TSR1: variants seen among roughly 807,000 people sequenced by gnomAD.
The protein encoded by TSR1 is pre-rRNA-processing protein TSR1 homolog.
A neutral mutation model predicts 90.9 loss-of-function variants in TSR1; 81 were observed. The observed-to-expected ratio is 0.89, with a 90% CI of 0.74 to 1.07. The LOEUF is 1.07. TSR1 is among the 50% of genes least tolerant of loss of function. The pLI, the probability that TSR1 is intolerant of heterozygous loss-of-function variation, is 0.00. For synonymous variants in TSR1, 362 were observed against 348.8 expected, an observed-to-expected ratio of 1.04 and a Z score of -0.42; for missense variants, 989 against 987.3, an observed-to-expected ratio of 1.00 and a Z score of -0.02.
At chr17:2,333,366 G>T in intron 6 of TSR1, 191 bp downstream of exon 6, 1 of 888,966 alleles carries the variant, frequency 1.1e-6, no homozygotes, top group Non-Finnish European at 1.8e-6. Context: ...ATTAACACAA[G>T]TAATTTTGAG....
chr17:2,330,077 G>T, intron 10 of TSR1: 2 of 307,920 alleles, frequency 6.5e-6, no homozygotes, highest in Non-Finnish European at 1.3e-5. Context: ...GTGCCACCAC[G>T]CCTGGCTAAT....
At chr17:2,332,102 G>A in intron 8 of TSR1, 67 bp downstream of exon 8, 2 of 1,568,500 alleles carry the variant, frequency 1.3e-6, no homozygotes, top group Non-Finnish European at 1.7e-6. Context: ...CAGTGACACA[G>A]CTCTGAGCCA....
In TSR1 at chr17:2,328,691, C is replaced by T. The variant is rs181977079; in HGVS notation, c.1903+652G>A. Reference sequence around the variant, plus strand: ...CAGCACTTTGGGAGGCTGAGGCGGGCGGCTCACGAGGTCAGGAGATAGAGA... The same window carrying T: ...CAGCACTTTGGGAGGCTGAGGCGGGTGGCTCACGAGGTCAGGAGATAGAGA... On this transcript the variant is annotated intron_variant, in intron 11 of 14. Coordinates refer to ENST00000301364, the MANE Select transcript of TSR1 (RefSeq NM_018128.5). 3.2e-3 allele frequency among the ~76,000 whole-genome samples: 490 copies of T among 151,110 alleles called. 5 individuals are homozygous for T. Among genetic ancestry groups the T allele is most frequent in the African/African-American group, 8.9e-3 (368 of 41,164 alleles).
Position 2,334,815 on chromosome 17 carries a change from T to C in TSR1, c.638A>G (p.Lys213Arg). ...GAGGAGTTTGTCATGCGGAAAGCGCTTCTCCACTGCTTTACTTAGCTTCTT... is the reference window on the plus strand; with the variant it reads ...GAGGAGTTTGTCATGCGGAAAGCGCCTCTCCACTGCTTTACTTAGCTTCTT... ...TRKKLSKAVEKRFPHDKLLLL... is the reference protein window; with the variant it reads ...TRKKLSKAVERRFPHDKLLLL... Residue 213 changes from lysine to arginine, a missense_variant, in exon 5 of 15, where the codon AAG (lysine) becomes AGG (arginine). By Grantham distance (26) the Lys-to-Arg change is conservative (BLOSUM62 2). Coordinates refer to ENST00000301364, the MANE Select transcript of TSR1 (RefSeq NM_018128.5). 1 of 1,614,252 alleles carries C rather than the reference T, an allele frequency of 6.2e-7. No individual in the cohort carries two copies.
chr17:2,331,590 T>C (rs2064003652), intron 8 of TSR1, among the ~76,000 whole-genome samples: 1 of 152,082 alleles, frequency 6.6e-6, no homozygotes, highest in Non-Finnish European at 1.5e-5. Flanking sequence ...TCTGCCATGA[T>C]TGTAAGTTTC....
At chr17:2,332,929 C>T (rs1338715373) in intron 7 of TSR1, 32 bp downstream of exon 7, 2 of 1,603,070 alleles carry the variant, frequency 1.2e-6, no homozygotes, top group Non-Finnish European at 1.7e-6. Flanking sequence ...TGGAGCTAGA[C>T]ACAGAATTGG....
chr17:2,333,508 T>G (rs2064022517), intron 6 of TSR1, 49 bp downstream of exon 6: 1 of 1,611,460 alleles, frequency 6.2e-7, no homozygotes, highest in African/African-American at 1.3e-5. Flanking sequence ...CTACAGAAAA[T>G]CCACAATTCC....
chr17:2,330,990 CT>C lies in TSR1; in HGVS notation c.1615del (p.Ser539AlafsTer41). On this transcript the variant is annotated frameshift_variant, in exon 9 of 15. Transcript: ENST00000301364. LOFTEE classifies it high-confidence loss of function. ...TTTTTCTTCAACCTCTTTAAAGATG[CT>C]TTTCCTAGTGTTAGTAAAGTTCTGA... ...QFQNFTNTRK[S>X]IFKEVEEKEV... The C allele has an allele frequency of 6.2e-7, 1 of 1,606,582 alleles. No homozygotes were observed.
intron 11 of TSR1, 179 bp downstream of exon 11, chr17:2,329,164 G>T: frequency 1.0e-6 from 1 of 995,258 alleles, no homozygotes; most frequent in Non-Finnish European, 1.6e-6. Context: ...TCACTGGGAT[G>T]CTTCAGACAG....
chr17:2,328,935 A>C (rs1378810524), intron 11 of TSR1: 56 of 239,096 alleles, frequency 2.3e-4, no homozygotes, highest in African/African-American at 1.1e-3. Flanking sequence ...AAAAAAAAAA[A>C]AAAAAAAAAA....
chr17:2,335,063 C>T (rs1462382086), intron 4 of TSR1, among the ~76,000 whole-genome samples, 167 bp from the exon 5 acceptor site: 1 of 152,194 alleles, frequency 6.6e-6, no homozygotes, highest in Non-Finnish European at 1.5e-5. Context: ...ACTTCATATC[C>T]TTGTTTCTCT....
Position 2,336,105 on chromosome 17 carries a change from T to C in TSR1, c.133A>G (p.Arg45Gly), listed in dbSNP as rs777859538. The part of the protein sequence containing the change: ...LALKTLSKKV[R>G]KELSRVDQRH... ...TGGTCGACTCTGCTGAGTTCTTTTC[T>C]CACCTTCTTGCTTAGGGTTTTCAGT... is the stretch of plus-strand genomic sequence containing the variant. Residue 45 changes from arginine (R) to glycine (G), a missense_variant, in exon 2 of 15, where the codon AGA (arginine) becomes GGA (glycine). Physicochemically the swap from Arg to Gly is moderately radical, Grantham distance 125. Coordinates refer to ENST00000301364, the MANE Select transcript of TSR1 (RefSeq NM_018128.5). 6.2e-7 allele frequency: 1 copy of C among 1,614,206 alleles called. No homozygotes were observed. The highest frequency in any genetic ancestry group is 8.5e-7 in the Non-Finnish European group (1 of 1,180,028).
chr17:2,331,287 C>T (rs1350078777), intron 8 of TSR1, among the ~76,000 whole-genome samples, 178 bp from the exon 9 acceptor site: 2 of 152,200 alleles, frequency 1.3e-5, no homozygotes, highest in Non-Finnish European at 2.9e-5. Context: ...CAAGTTCTAT[C>T]GGAACCAAAC....
Position 2,336,148 on chromosome 17 carries a change from G to T in TSR1, c.98-8C>A. Reference sequence around the variant, plus strand: ...TTTTCAGTGCCAGACGGCCTGAATGGCAGATTAGAAGGGGCTGGTGTGATC... The same window carrying T: ...TTTTCAGTGCCAGACGGCCTGAATGTCAGATTAGAAGGGGCTGGTGTGATC... On this transcript the variant is annotated splice_polypyrimidine_tract_variant and splice_region_variant and intron_variant, in intron 1 of 14. Coordinates refer to ENST00000301364, the MANE Select transcript of TSR1 (RefSeq NM_018128.5). 3.1e-6 allele frequency: 5 copies of T among 1,613,782 alleles called. No homozygotes were observed. The highest frequency in any genetic ancestry group is 3.4e-6 in the Non-Finnish European group (4 of 1,179,662).
chr17:2,331,045 G>A lies in TSR1; in HGVS notation c.1561C>T (p.Pro521Ser). The A allele has an allele frequency of 6.2e-7, 1 of 1,612,006 alleles. No individual in the cohort carries two copies. Among genetic ancestry groups the A allele is most frequent in the Non-Finnish European group, 8.5e-7 (1 of 1,179,494 alleles). Residue 521 changes from proline (P) to serine (S), a missense_variant, in exon 9 of 15, where the codon CCT (proline) becomes TCT (serine). Physicochemically the swap from Pro to Ser is moderately conservative, Grantham distance 74. Transcript: ENST00000301364. ...TSPWDPKENLPQDYARIFQFQ... is the reference protein window; with the variant it reads ...TSPWDPKENLSQDYARIFQFQ... ...TGAAATATTCGAGCATAATCTTGAG[G>A]AAGGTTTTCCTTAGGATCCCATGGA...
intron 9 of TSR1, 129 bp from the exon 10 acceptor site, chr17:2,330,754 T>G: frequency 8.9e-7 from 1 of 1,117,442 alleles, no homozygotes; most frequent in South Asian, 1.5e-5. Flanking sequence ...TTCAAGATGC[T>G]TCATTTACCC....
intron 2 of TSR1, 92 bp from the exon 3 acceptor site, chr17:2,335,822 A>G: frequency 7.0e-7 from 1 of 1,423,532 alleles, no homozygotes; most frequent in Non-Finnish European, 9.5e-7. Context: ...CCCCCTACCC[A>G]AAACCAGCAT....
rs1307166782 is a variant in TSR1 at position 2,332,946 on chromosome 17, G to T, written c.1305+15C>A. 6.2e-7 allele frequency: 1 copy of T among 1,611,248 alleles called. No homozygotes were observed. The highest frequency in any genetic ancestry group is 8.5e-7 in the Non-Finnish European group (1 of 1,178,258). On this transcript the variant is annotated intron_variant, in intron 7 of 14. Transcript: ENST00000301364. ...GAGCTAGACACAGAATTGGCCTAAG[G>T]CCTCATTTCCTTACCTGAGATTCCT...
intron 11 of TSR1, among the ~76,000 whole-genome samples, chr17:2,326,524 T>C (rs751027698): frequency 5.9e-5 from 9 of 152,110 alleles, no homozygotes; most frequent in Non-Finnish European, 8.8e-5. Flanking sequence ...ACACTAGACA[T>C]CAAAGTTTCC....
Sources: gnomAD v4.1 joint callset for allele counts (sites outside exome capture counted in the v4.1 genomes callset) on GRCh38, gnomAD v4.1.1 for gene constraint, MANE v1.5 for transcripts, NCBI Gene and HGNC (gene_info 2026-07-23, HGNC 2026-07-21) for gene names.